Variants in TEPSIN observed in about 807,000 individuals in gnomAD.
The protein encoded by TEPSIN is TEPSIN adaptor related protein complex 4 accessory protein.
A neutral mutation model predicts 48.5 loss-of-function variants in TEPSIN; 50 were observed. That is an observed-to-expected ratio of 1.03 (90% CI 0.82 to 1.31). The LOEUF (loss-of-function observed/expected upper bound fraction) is 1.31, where lower values mean the gene tolerates loss of function less well. Ranked by LOEUF, TEPSIN falls within the 50% of genes most tolerant of loss-of-function variation. The probability of loss-of-function intolerance (pLI) is 0.00; values close to 1 mark genes in which losing one functional copy is unlikely to be tolerated. For missense variants in TEPSIN, 838 were observed against 815.9 expected, an observed-to-expected ratio of 1.03 and a Z score of -0.33; for synonymous variants, 392 against 358.8, an observed-to-expected ratio of 1.09 and a Z score of -1.05.
chr17:81,237,052 C>T lies in TEPSIN; in HGVS notation c.141G>A (p.Pro47=), dbSNP rs528705890. 1.7e-5 allele frequency: 27 copies of T among 1,594,956 alleles called. No individual in the cohort carries two copies. The African/African-American group carries it at 2.1e-4, about 13-fold the overall frequency. The change falls in exon 3 of 13, where the codon CCG becomes CCA. Residue 47 remains proline (P), a synonymous_variant. Coordinates refer to ENST00000637944, the MANE Select transcript of TEPSIN (RefSeq NM_001363764.2). ...ACTCCAGCAGGCACTGGCTGCTGCC[C>T]GGAGACTCGTGGGAGATTTCTGCGG... ...EEIAKISHES[P]GSSQCLLEYL...
At chr17:81,235,249 G>C (rs1211328963) in intron 4 of TEPSIN, among the ~76,000 whole-genome samples, 1 of 152,218 alleles carries the variant, frequency 6.6e-6, no homozygotes, top group Non-Finnish European at 1.5e-5. Flanking sequence ...GTGCCTCTCA[G>C]GTTTTAACTA....
chr17:81,237,080 C>T lies in TEPSIN; in HGVS notation c.122-9G>A, dbSNP rs1391791865. 24 of 1,578,836 alleles carry T rather than the reference C, an allele frequency of 1.5e-5. No individual in the cohort carries two copies. The highest frequency in any genetic ancestry group is 5.4e-5 in the Admixed American group (3 of 55,618). On this transcript the variant is annotated splice_polypyrimidine_tract_variant and intron_variant, in intron 2 of 12. Transcript: ENST00000637944. ...AGACTCGTGGGAGATTTCTGCGGCA[C>T]GCTCGGGTTAGGGAAGGGCGAGATG... is the stretch of plus-strand genomic sequence containing the variant.
rs373237602 is a variant in TEPSIN at position 81,236,695 on chromosome 17, G to T, written c.307+13C>A. 3 of 1,553,652 alleles carry T rather than the reference G, an allele frequency of 1.9e-6. No homozygotes were observed. The highest frequency in any genetic ancestry group is 2.6e-6 in the Non-Finnish European group (3 of 1,148,852). The stretch of plus-strand genomic sequence containing the variant: ...GCCCTGGCTCTTCCTGAGCGCGTGC[G>T]CGGCCCCTGTACCTGCAGCTTCCTG... On this transcript the variant is annotated intron_variant, in intron 4 of 12. Coordinates refer to ENST00000637944, the MANE Select transcript of TEPSIN (RefSeq NM_001363764.2).
Position 81,232,313 on chromosome 17 carries a change from AC to A in TEPSIN, c.730+1del. 1.3e-6 allele frequency: 2 copies of A among 1,521,364 alleles called. No homozygotes were observed. Among genetic ancestry groups the A allele is most frequent in the Non-Finnish European group, 1.8e-6 (2 of 1,136,666 alleles). The allele number at this position is 1,521,364 out of a possible 1,614,324, so 94.2% of individuals were successfully genotyped here. The stretch of plus-strand genomic sequence containing the variant: ...CAAGGGGAGGAGCCCTCGCCTCGAT[AC>A]CTCGGGGACCTGGAATGGCCCCGGG... On this transcript the variant is annotated splice_donor_variant, in intron 8 of 12. Coordinates refer to ENST00000637944, the MANE Select transcript of TEPSIN (RefSeq NM_001363764.2). LOFTEE classifies it high-confidence loss of function.
chr17:81,229,196 C>G lies in TEPSIN; in HGVS notation c.1514G>C (p.Arg505Thr), dbSNP rs1359496310. Residue 505 changes from arginine to threonine, a missense_variant, in exon 13 of 13, where the codon AGA becomes ACA. Arg to Thr is a moderately conservative substitution (Grantham distance 71). Transcript: ENST00000637944. ...APGDPSEAEARLAESRRWRPE... is the reference protein window; with the variant it reads ...APGDPSEAEATLAESRRWRPE... ...TCTCCACCGCCTGCTTTCTGCCAGT[C>G]TGGCCTCGGCCTCGCTGGGGTCTCC... The G allele has an allele frequency of 4.4e-6, 7 of 1,589,032 alleles. No individual in the cohort carries two copies. The highest frequency in any genetic ancestry group is 6.0e-6 in the Non-Finnish European group (7 of 1,168,800).
chr17:81,233,720 CA>C lies in TEPSIN; in HGVS notation c.376-5del, dbSNP rs768654740. The C allele has an allele frequency of 7.5e-6, 12 of 1,591,734 alleles. No individual in the cohort carries two copies. Among genetic ancestry groups the C allele is most frequent in the Non-Finnish European group, 9.4e-6 (11 of 1,171,404 alleles). On this transcript the variant is annotated splice_polypyrimidine_tract_variant and splice_region_variant and intron_variant, in intron 5 of 12. Transcript: ENST00000637944. The surrounding 1 kb of genome is among the most constrained non-coding windows in gnomAD (Gnocchi z 5.8). ...AGAACAGGGTGCTCCCCAAGTCCTA[CA>C]GGGGGAGGCGAAGGCCCTCAGTGTC...
rs1238715100 is a variant in TEPSIN at position 81,239,013 on chromosome 17, T to C, written c.21A>G (p.Leu7=). Residue 7 remains leucine, a synonymous_variant, in exon 1 of 13, where the codon CTA becomes CTG. Transcript: ENST00000637944. ...GGTGTAGAAAGCTCAGGCGGTCCCG[T>C]AGCGGCGGCGCGGCAGCCATGATCC... is the stretch of plus-strand genomic sequence containing the variant. MAAAPP[L]RDRLSFLHRL... is the part of the protein sequence containing the mutation. 4.0e-6 allele frequency: 6 copies of C among 1,489,704 alleles called. No individual in the cohort carries two copies. The highest frequency in any genetic ancestry group is 2.9e-5 in the African/African-American group (2 of 68,506). 92.3% of individuals were successfully genotyped at this position (1,489,704 alleles called of 1,614,324 possible).
intron 11 of TEPSIN, chr17:81,231,083 A>G: frequency 1.9e-6 from 1 of 523,704 alleles, no homozygotes; most frequent in South Asian, 2.5e-5. Context: ...GTGCATGCAC[A>G]CACACACAGG....
chr17:81,231,450 A>G lies in TEPSIN; in HGVS notation c.1046T>C (p.Val349Ala). The G allele has an allele frequency of 6.4e-7, 1 of 1,568,314 alleles. No individual in the cohort carries two copies. The highest frequency in any genetic ancestry group is 1.2e-5 in the South Asian group (1 of 85,742). Residue 349 changes from valine to alanine, a missense_variant, in exon 11 of 13, where the codon GTG becomes GCG. Physicochemically the swap from Val to Ala is moderately conservative, Grantham distance 64 (BLOSUM62 0). Transcript: ENST00000637944. Reference sequence around the variant, plus strand: ...CAGGTGGCAGGTCAGCAGCTGCAGCACGGCCTCACAGTTGAGCAGTCCACA... The same window carrying G: ...CAGGTGGCAGGTCAGCAGCTGCAGCGCGGCCTCACAGTTGAGCAGTCCACA... Reference protein sequence around the residue: ...KACGLLNCEAVLQLLTCHLRG... With the variant: ...KACGLLNCEAALQLLTCHLRG...
In TEPSIN at chr17:81,232,127, T is replaced by A. The variant is rs1364835332; in HGVS notation, c.731-106A>T. 23 of 1,406,664 alleles carry A rather than the reference T, an allele frequency of 1.6e-5. No homozygotes were observed. In the East Asian group the frequency reaches 5.4e-4, roughly 33 times the overall value. 87.1% of individuals were successfully genotyped at this position (1,406,664 alleles called of 1,614,324 possible). Reference sequence around the variant, plus strand: ...AGGCCTCGGGGGCTGAGTCCTGAGCTGAGGATGGGTGGCCACCTTGGCTCC... The same window carrying A: ...AGGCCTCGGGGGCTGAGTCCTGAGCAGAGGATGGGTGGCCACCTTGGCTCC... On this transcript the variant is annotated intron_variant, in intron 8 of 12. Coordinates refer to ENST00000637944, the MANE Select transcript of TEPSIN (RefSeq NM_001363764.2).
Position 81,231,886 on chromosome 17 carries a change from T to A in TEPSIN, c.866A>T (p.His289Leu). 2 of 1,613,624 alleles carry A rather than the reference T, an allele frequency of 1.2e-6. No homozygotes were observed. The highest frequency in any genetic ancestry group is 1.7e-6 in the Non-Finnish European group (2 of 1,180,002). ...ACCCGGCTCCCGGCTGGCCCCTGAA[T>A]GGCTGTCGCTGCCGGAATGACTGCC... ...DSGSHSGSDS[H>L]SGASREPGDL... is the part of the protein sequence containing the mutation. Residue 289 changes from histidine (H) to leucine (L), a missense_variant, in exon 9 of 13, where the codon CAT becomes CTT. Physicochemically the swap from His to Leu is moderately conservative, Grantham distance 99. Transcript: ENST00000637944.
chr17:81,230,430 G>A lies in TEPSIN; in HGVS notation c.1233+114C>T, dbSNP rs969202634. The stretch of plus-strand genomic sequence containing the variant: ...CCAGCGGGACAGGGACTTGAGAGGG[G>A]GTCCGGGAAGGGCTGACCAGGCGCC... On this transcript the variant is annotated intron_variant, in intron 12 of 12. Transcript: ENST00000637944. The surrounding 1 kb of genome is among the most constrained non-coding windows in gnomAD (Gnocchi z 4.2). 1.8e-5 allele frequency: 26 copies of A among 1,435,172 alleles called. No homozygotes were observed. The highest frequency in any genetic ancestry group is 5.0e-4 in the Middle Eastern group (2 of 4,032). 88.9% of individuals were successfully genotyped at this position (1,435,172 alleles called of 1,614,324 possible). A position where few individuals can be genotyped will look rare whatever the true frequency, so the allele number is the denominator to read the frequency against.
At chr17:81,237,929 C>G (rs1388093795) in intron 1 of TEPSIN, 1 of 992,110 alleles carries the variant, frequency 1.0e-6, no homozygotes, top group Non-Finnish European at 1.2e-6. Flanking sequence ...CATCGCTCCC[C>G]GAGAACCGAC....
intron 12 of TEPSIN, 57 bp from the exon 13 acceptor site, chr17:81,229,533 A>T (rs2062544550): frequency 6.6e-7 from 1 of 1,524,134 alleles, no homozygotes; most frequent in Admixed American, 2.0e-5. Flanking sequence ...AAATGTGGGG[A>T]CCAGGGCCCG....
In TEPSIN at chr17:81,233,385, C is replaced by A; in HGVS notation, c.526+47G>T. On this transcript the variant is annotated intron_variant, in intron 7 of 12. Transcript: ENST00000637944. This position sits in a 1 kb window ranked among gnomAD's most constrained non-coding sequence, Gnocchi z 5.8. Reference sequence around the variant, plus strand: ...GGTCCGGCCCCCACCACCTCCTCATCCCCACACCCTGAGATGCCAGAGCCC... The same window carrying A: ...GGTCCGGCCCCCACCACCTCCTCATACCCACACCCTGAGATGCCAGAGCCC... 1 of 1,599,632 alleles carries A rather than the reference C, an allele frequency of 6.3e-7. No homozygotes were observed.
chr17:81,237,234 A>G (rs2062739576), intron 2 of TEPSIN, 153 bp downstream of exon 2: 1 of 1,181,984 alleles, frequency 8.5e-7, no homozygotes, highest in South Asian at 1.3e-5. Flanking sequence ...TGTCATCAGT[A>G]TTGCAGCCTT....
rs74674731 is a variant in TEPSIN, at chr17:81,228,924, C to T, written c.*4G>A. ...GCTGAAGACTCCAGGGCCAGGCCATCGGGTCAGGCGTTCAGGAACGCGAAA... is the reference window on the plus strand; with the variant it reads ...GCTGAAGACTCCAGGGCCAGGCCATTGGGTCAGGCGTTCAGGAACGCGAAA... On this transcript the variant is annotated 3_prime_UTR_variant, in exon 13 of 13. Coordinates refer to ENST00000637944, the MANE Select transcript of TEPSIN (RefSeq NM_001363764.2). The T allele has an allele frequency of 2.0e-3, 3,153 of 1,612,716 alleles. 57 individuals are homozygous for T. The African/African-American group carries it at 0.036, about 19-fold the overall frequency.
chr17:81,229,358 G>C lies in TEPSIN; in HGVS notation c.1352C>G (p.Pro451Arg). ...CAGGAAGACCTGGCTCCCAGGGAGA[G>C]GCACAGCGTCGGTCAGCAGGTCAGA... ...GPSDLLTDAVPLPGSQVFLQP... is the reference protein window; with the variant it reads ...GPSDLLTDAVRLPGSQVFLQP... Residue 451 changes from proline to arginine, a missense_variant, in exon 13 of 13, where the codon CCT becomes CGT. Coordinates refer to ENST00000637944, the MANE Select transcript of TEPSIN (RefSeq NM_001363764.2). 6.4e-7 allele frequency: 1 copy of C among 1,561,698 alleles called. No individual in the cohort carries two copies. The highest frequency in any genetic ancestry group is 1.2e-5 in the South Asian group (1 of 84,944).
In TEPSIN at chr17:81,229,241, G is replaced by C. The variant is rs1555619776; in HGVS notation, c.1469C>G (p.Ala490Gly). ...SSPVPTPPPD[A>G]SPIPAPGDPS... ...GTCTCCGGGGGCTGGAATGGGGGAGGCATCTGGGGGTGGGGTGGGCACAGG... is the reference window on the plus strand; with the variant it reads ...GTCTCCGGGGGCTGGAATGGGGGAGCCATCTGGGGGTGGGGTGGGCACAGG... Residue 490 changes from alanine to glycine, a missense_variant, in exon 13 of 13, where the codon GCC (alanine) becomes GGC (glycine). Ala to Gly is a moderately conservative substitution (Grantham distance 60, BLOSUM62 0). Transcript: ENST00000637944. 2.8e-6 allele frequency: 3 copies of C among 1,057,854 alleles called. No individual in the cohort carries two copies. The highest frequency in any genetic ancestry group is 1.3e-5 in the South Asian group (1 of 75,974). 65.5% of individuals were successfully genotyped at this position (1,057,854 alleles called of 1,614,324 possible).
Sources: allele counts gnomAD v4.1 joint callset (sites outside exome capture counted in the v4.1 genomes callset), GRCh38; gene constraint gnomAD v4.1.1; non-coding constraint Gnocchi (gnomAD v3.1); transcripts MANE v1.5; gene names NCBI Gene and HGNC (gene_info 2026-07-23, HGNC 2026-07-21).